The following KIFAP3 variants were observed in gnomAD, a reference collection of about 807,000 sequenced individuals.
KIFAP3 encodes kinesin associated protein 3, also known as kinesin-associated protein 3.
Under a neutral mutation model 106.5 loss-of-function variants are expected in KIFAP3, and 68 were observed. The observed-to-expected ratio is 0.64, with a 90% CI of 0.53 to 0.78. The LOEUF is 0.78. Ranked by LOEUF, KIFAP3 falls within the 30% of genes least tolerant of loss-of-function variation. The pLI is 0.00. For synonymous variants in KIFAP3, 320 were observed against 311.5 expected, an observed-to-expected ratio of 1.03 and a Z score of -0.29; for missense variants, 780 against 941.8, an observed-to-expected ratio of 0.83 and a Z score of 2.25.
In KIFAP3 at chr1:170,008,214, G is replaced by A. The variant is rs190975932; in HGVS notation, c.1183+8248C>T. On this transcript the variant is annotated intron_variant, in intron 10 of 19. Transcript: ENST00000361580. ...CGTTCAGGACATAGACATGGGCAAA[G>A]ACTTTATGACTAAAACACCAAAAGC... is the stretch of plus-strand genomic sequence containing the variant. 9.9e-5 allele frequency among the ~76,000 whole-genome samples: 15 copies of A among 151,726 alleles called. 2 individuals carry two copies. In the East Asian group the frequency reaches 2.3e-3, roughly 24 times the overall value.
At chr1:169,998,725 T>A (rs965111053) in intron 10 of KIFAP3, among the ~76,000 whole-genome samples, 14 of 152,334 alleles carry the variant, frequency 9.2e-5, no homozygotes, top group Admixed American at 2.0e-4. Flanking sequence ...ATCTTGATGA[T>A]TCTAGTTCTA....
rs1181501082 is a variant in KIFAP3 at position 169,992,245 on chromosome 1, G to C, written c.1194C>G (p.Asn398Lys). 9 of 1,561,570 alleles carry C rather than the reference G, an allele frequency of 5.8e-6. No individual in the cohort carries two copies. Among genetic ancestry groups the C allele is most frequent in the Non-Finnish European group, 7.8e-6 (9 of 1,153,556 alleles). The change falls in exon 11 of 20, where the codon AAC (asparagine) becomes AAG (lysine). Residue 398 changes from asparagine (N) to lysine (K), a missense_variant. Physicochemically the swap from Asn to Lys is moderately conservative, Grantham distance 94. Transcript: ENST00000361580. ...GAACACACATTGCTATTTGTTTGTA[G>C]TTGTCATTGCCTAGGAATAAAACAT... ...PKLTALLGNDNYKQIAMCVLY... is the reference protein window; with the variant it reads ...PKLTALLGNDKYKQIAMCVLY...
At chr1:169,979,208 C>T (rs1005950378) in intron 15 of KIFAP3, among the ~76,000 whole-genome samples, 3 of 152,066 alleles carry the variant, frequency 2.0e-5, no homozygotes, top group Admixed American at 6.6e-5. Flanking sequence ...TTTGCTTCAA[C>T]TTTCTTCAGC....
chr1:170,039,914 C>G (rs879552201), intron 3 of KIFAP3, among the ~76,000 whole-genome samples: 4 of 152,030 alleles, frequency 2.6e-5, no homozygotes, highest in Admixed American at 2.0e-4. Context: ...ATTGAATTAT[C>G]TGATTAATGG....
At chr1:170,038,149 T>C in intron 5 of KIFAP3, 141 bp downstream of exon 5, 1 of 657,592 alleles carries the variant, frequency 1.5e-6, no homozygotes, top group Non-Finnish European at 2.5e-6. Context: ...CTCTGGAGAA[T>C]ATTTAAATGC....
rs200367747 is a variant in KIFAP3, at chr1:169,983,300, C to T, written c.1476G>A (p.Gln492=). 5 of 1,607,756 alleles carry T rather than the reference C, an allele frequency of 3.1e-6. No individual in the cohort carries two copies. The highest frequency in any genetic ancestry group is 2.7e-5 in the African/African-American group (2 of 74,684). The change falls in exon 13 of 20, where the codon CAG becomes CAA. Residue 492 remains glutamine (Q), a synonymous_variant. Coordinates refer to ENST00000361580, the MANE Select transcript of KIFAP3 (RefSeq NM_014970.4). ...LLMKMIRNIS[Q]HDGPTKNLFI... ...ACAGATTTTTAGTTGGTCCATCATGCTGAGAAATGTTTCTAATCATTTTCA... is the reference window on the plus strand; with the variant it reads ...ACAGATTTTTAGTTGGTCCATCATGTTGAGAAATGTTTCTAATCATTTTCA...
chr1:170,041,909 GA>G, intron 3 of KIFAP3: 1 of 1,323,696 alleles, frequency 7.6e-7, no homozygotes, highest in Non-Finnish European at 9.8e-7. Flanking sequence ...ACATTTGGGG[GA>G]AGTACTCCTG....
intron 19 of KIFAP3, among the ~76,000 whole-genome samples, chr1:169,947,641 T>C (rs1243177193): frequency 6.6e-6 from 1 of 151,922 alleles, no homozygotes; most frequent in African/African-American, 2.4e-5. Context: ...AAATCTGTTA[T>C]AATGTTTTAA....
At chr1:169,970,745 A>G (rs931951538) in intron 17 of KIFAP3, among the ~76,000 whole-genome samples, 1 of 152,066 alleles carries the variant, frequency 6.6e-6, no homozygotes, top group Non-Finnish European at 1.5e-5. Context: ...TTATTTAGCC[A>G]TTACTAATGC....
At chr1:169,926,034 G>A (rs1455724208) in intron 19 of KIFAP3, among the ~76,000 whole-genome samples, 1 of 152,162 alleles carries the variant, frequency 6.6e-6, no homozygotes, top group Non-Finnish European at 1.5e-5. Context: ...GCTCATGGAA[G>A]TCTTTGACTT....
intron 10 of KIFAP3, among the ~76,000 whole-genome samples, chr1:170,015,023 C>T (rs190920899): frequency 1.3e-5 from 2 of 152,096 alleles, no homozygotes; most frequent in Admixed American, 6.6e-5. Flanking sequence ...AAAACAGTCT[C>T]GCTCAAGAAA....
intron 16 of KIFAP3, among the ~76,000 whole-genome samples, chr1:169,977,875 C>T (rs550065414): frequency 2.0e-5 from 3 of 152,026 alleles, no homozygotes; most frequent in South Asian, 4.2e-4. Context: ...CACAACCTGA[C>T]AAGTTAATAA....
At chr1:169,927,249 A>C (rs1360039226) in intron 19 of KIFAP3, among the ~76,000 whole-genome samples, 2 of 152,172 alleles carry the variant, frequency 1.3e-5, no homozygotes, top group Non-Finnish European at 2.9e-5. Flanking sequence ...CAAGGAAAAA[A>C]CATGGTGCTG....
intron 3 of KIFAP3, among the ~76,000 whole-genome samples, chr1:170,039,929 A>C (rs1313081512): frequency 2.0e-5 from 3 of 152,116 alleles, no homozygotes; most frequent in African/African-American, 7.2e-5. Flanking sequence ...TAATGGCATA[A>C]TTTCATTTTT....
In KIFAP3 at chr1:170,010,470, C is replaced by A. The variant is rs573389849; in HGVS notation, c.1183+5992G>T. 8.1e-4 allele frequency among the ~76,000 whole-genome samples: 123 copies of A among 151,970 alleles called. 1 individual carries two copies. Among genetic ancestry groups the A allele is most frequent in the African/African-American group, 2.8e-3 (117 of 41,514 alleles). On this transcript the variant is annotated intron_variant, in intron 10 of 19. Transcript: ENST00000361580. Reference sequence around the variant, plus strand: ...TTTTGGTTCTATTGAATTACAGTTTCCCTTAGAGCCTTCCATGGAAAAAGG... The same window carrying A: ...TTTTGGTTCTATTGAATTACAGTTTACCTTAGAGCCTTCCATGGAAAAAGG...
intron 19 of KIFAP3, among the ~76,000 whole-genome samples, chr1:169,922,049 G>A (rs374301026): frequency 6.6e-6 from 1 of 151,954 alleles, no homozygotes; most frequent in African/African-American, 2.4e-5. Flanking sequence ...AATCAGAAAA[G>A]TTTTATTTAA....
intron 7 of KIFAP3, 91 bp from the exon 8 acceptor site, chr1:170,032,075 G>A (rs1001784012): frequency 4.2e-6 from 3 of 708,156 alleles, no homozygotes; most frequent in Non-Finnish European, 7.4e-6. Context: ...TAAATTTTAT[G>A]TGCAACTTTA....
At chr1:169,992,099 A>T in intron 11 of KIFAP3, 56 bp downstream of exon 11, 1 of 775,036 alleles carries the variant, frequency 1.3e-6, no homozygotes, top group South Asian at 3.5e-5. Context: ...AAGAGAAAAG[A>T]GTAAAAAATA....
chr1:169,970,252 A>C (rs1203045890), intron 17 of KIFAP3, among the ~76,000 whole-genome samples: 1 of 152,000 alleles, frequency 6.6e-6, no homozygotes, highest in Non-Finnish European at 1.5e-5. Flanking sequence ...CCAAGCTACA[A>C]GTAACGTAGT....
Sources: allele counts gnomAD v4.1 joint callset (sites outside exome capture counted in the v4.1 genomes callset), GRCh38; gene constraint gnomAD v4.1.1; transcripts MANE v1.5; gene names NCBI Gene and HGNC (gene_info 2026-07-23, HGNC 2026-07-21).